MGA: variants seen among roughly 807,000 people sequenced by gnomAD.
MGA encodes MAX gene-associated protein.
In MGA, 40 loss-of-function variants were observed where a neutral mutation model predicts 261.1. That is an observed-to-expected ratio of 0.15 (90% CI 0.12 to 0.20). The LOEUF is 0.20. Among genes scored for constraint, MGA ranks in the 10% least tolerant of loss-of-function variants. MGA has a pLI of 1.00. For missense variants in MGA, 3,397 were observed against 3,630.5 expected (o/e 0.94, Z 1.65); for synonymous variants, 1,302 against 1,290.6 (o/e 1.01, Z -0.19).
intron 11 of MGA, 85 bp from the exon 12 acceptor site, chr15:41,734,437 G>T: frequency 9.6e-7 from 1 of 1,042,228 alleles, no homozygotes; most frequent in South Asian, 1.5e-5. Flanking sequence ...AAACTTCTGT[G>T]AGAGATTTAA....
intron 17 of MGA, 45 bp from the exon 18 acceptor site, chr15:41,754,392 C>A: frequency 1.4e-6 from 2 of 1,469,920 alleles, no homozygotes; most frequent in Non-Finnish European, 9.0e-7. Flanking sequence ...TTTAGGTGTG[C>A]TTGCCACTCA....
At chr15:41,764,100 A>G (rs140800826) in intron 22 of MGA, among the ~76,000 whole-genome samples, 4,985 of 152,026 alleles carry the variant, frequency 0.033, 137 homozygotes, top group South Asian at 0.07. Context: ...CGGAGGCTGC[A>G]GTGAGCTGAA....
intron 21 of MGA, 109 bp downstream of exon 21, chr15:41,761,959 T>G (rs2063483238): frequency 9.8e-7 from 1 of 1,019,934 alleles, no homozygotes; most frequent in Non-Finnish European, 1.4e-6. Flanking sequence ...TCCCACAGTT[T>G]ACAGCACAGT....
At chr15:41,660,259 G>A (rs1353854242), upstream of MGA, among the ~76,000 whole-genome samples, 2 of 152,212 alleles carry the variant, frequency 1.3e-5, no homozygotes, top group Non-Finnish European at 2.9e-5. Flanking sequence ...CACTCGGGGG[G>A]CGGGTCCCAA....
intron 7 of MGA, among the ~76,000 whole-genome samples, chr15:41,708,888 G>C (rs1190778394): frequency 6.6e-6 from 1 of 152,054 alleles, no homozygotes; most frequent in Non-Finnish European, 1.5e-5. Flanking sequence ...TATCCCTCTT[G>C]GTCTCCGTTC....
chr15:41,758,721 C>A (rs1567099044), intron 19 of MGA, among the ~76,000 whole-genome samples: 1 of 152,044 alleles, frequency 6.6e-6, no homozygotes. Context: ...TTTATTCTCC[C>A]ATTCTATGTT....
At position 41,670,813 on chromosome 15, in the gene MGA, A is replaced by G. The variant is rs76952468; in HGVS notation, c.1064+855A>G. ...GAGCCACCGTGCCCGGCCGTAAGCA[A>G]TACTGTTTTAACAAGTAATAATTTT... On this transcript the variant is annotated intron_variant, in intron 2 of 23. Transcript: ENST00000219905. 5.0e-3 allele frequency among the ~76,000 whole-genome samples: 758 copies of G among 152,186 alleles called. 6 individuals carry two copies. Among genetic ancestry groups the G allele is most frequent in the African/African-American group, 0.018 (734 of 41,538 alleles).
intron 6 of MGA, 21 bp from the exon 7 acceptor site, chr15:41,708,083 G>C: frequency 6.5e-7 from 1 of 1,543,042 alleles, no homozygotes. Context: ...TTGGTCATCT[G>C]TTTGACTTTT....
chr15:41,624,444 A>C (rs1214347005), intron 1 of MGA, among the ~76,000 whole-genome samples: 2 of 150,218 alleles, frequency 1.3e-5, no homozygotes, highest in African/African-American at 5.0e-5. Flanking sequence ...TTTAGTAGAG[A>C]TAGGGTCCAG....
At chr15:41,720,690 G>A (rs1272023102) in intron 9 of MGA, among the ~76,000 whole-genome samples, 1 of 151,858 alleles carries the variant, frequency 6.6e-6, no homozygotes. Flanking sequence ...AAAATTAGCC[G>A]GGCATGGTGG....
At chr15:41,691,233 C>T (rs1042496052) in intron 2 of MGA, among the ~76,000 whole-genome samples, 9 of 151,938 alleles carry the variant, frequency 5.9e-5, no homozygotes, top group African/African-American at 1.7e-4. Flanking sequence ...TTATAGTTTT[C>T]CATGTATAAG....
intron 2 of MGA, among the ~76,000 whole-genome samples, chr15:41,675,964 G>A (rs1285052859): frequency 6.6e-6 from 1 of 152,110 alleles, no homozygotes; most frequent in Non-Finnish European, 1.5e-5. Flanking sequence ...ACAAATTCCT[G>A]CATTATGGAT....
intron 6 of MGA, 83 bp downstream of exon 6, chr15:41,707,942 A>G (rs943463968): frequency 2.0e-6 from 3 of 1,495,888 alleles, no homozygotes; most frequent in Non-Finnish European, 2.7e-6. Flanking sequence ...AGCTACCTTT[A>G]TTGGTGACAT....
intron 2 of MGA, among the ~76,000 whole-genome samples, chr15:41,680,399 C>A (rs774575879): frequency 7.3e-5 from 11 of 150,876 alleles, no homozygotes; most frequent in Admixed American, 7.2e-4. Flanking sequence ...CTGTTTTAAC[C>A]CCCCCTGATG....
chr15:41,745,779 G>C (rs200538114), intron 15 of MGA, among the ~76,000 whole-genome samples: 4 of 150,266 alleles, frequency 2.7e-5, no homozygotes, highest in Non-Finnish European at 5.9e-5. Context: ...TAATTTTTTT[G>C]ATTTTCAGTA....
chr15:41,765,926 T>C, intron 23 of MGA, 78 bp from the exon 24 acceptor site: 2 of 1,191,192 alleles, frequency 1.7e-6, no homozygotes, highest in Middle Eastern at 2.8e-4. Context: ...AAGATGGTTA[T>C]ATGATATGAC....
intron 2 of MGA, 135 bp downstream of exon 2, chr15:41,670,093 CT>C: frequency 1.4e-6 from 1 of 708,644 alleles, no homozygotes; most frequent in Non-Finnish European, 2.3e-6. Flanking sequence ...ACTACAACTG[CT>C]TTTACATTCT....
intron 1 of MGA, among the ~76,000 whole-genome samples, chr15:41,639,983 A>G (rs562678886): frequency 5.9e-5 from 9 of 152,172 alleles, no homozygotes; most frequent in Non-Finnish European, 1.3e-4. Flanking sequence ...GTCAAGGATG[A>G]TGAGAGCTAG....
chr15:41,696,367 G>A lies in MGA; in HGVS notation c.1357G>A (p.Val453Ile). ...ATGGCTTCCAAGCAGCCCATCAGGT[G>A]TTGCTAAAGCTAAAATGTTCAAATT... The change falls in exon 3 of 24, where the codon GTT (valine) becomes ATT (isoleucine). Residue 453 changes from valine to isoleucine, a missense_variant. By Grantham distance (29) the Val-to-Ile change is conservative. Coordinates refer to ENST00000219905, the MANE Select transcript of MGA (RefSeq NM_001164273.2). 6.2e-7 allele frequency: 1 copy of A among 1,613,946 alleles called. No homozygotes were observed. Among genetic ancestry groups the A allele is most frequent in the Non-Finnish European group, 8.5e-7 (1 of 1,179,902 alleles).
Sources: gnomAD v4.1 joint callset for allele counts (sites outside exome capture counted in the v4.1 genomes callset) on GRCh38, gnomAD v4.1.1 for gene constraint, MANE v1.5 for transcripts, NCBI Gene and HGNC (gene_info 2026-07-23, HGNC 2026-07-21) for gene names.